PTGES3L: variants seen among roughly 807,000 people sequenced by gnomAD.
The protein encoded by PTGES3L is prostaglandin E synthase 3 like, also known as putative protein PTGES3L.
A neutral mutation model predicts 25.0 loss-of-function variants in PTGES3L; 17 were observed. The ratio of observed to expected loss-of-function variants is 0.68; its 90% confidence interval spans 0.47 to 1.02. The LOEUF (loss-of-function observed/expected upper bound fraction) is 1.02. Among genes scored for constraint, PTGES3L ranks in the 50% least tolerant of loss-of-function variants. The pLI, the probability that PTGES3L is intolerant of heterozygous loss-of-function variation, is 0.00. For missense variants in PTGES3L, 202 were observed against 197.5 expected (o/e 1.02, Z -0.14); for synonymous variants, 59 against 65.7 (o/e 0.90, Z 0.50).
chr17:42,971,666 A>G lies in PTGES3L; in HGVS notation c.319T>C (p.Trp107Arg), dbSNP rs1383553202. 1 of 1,614,080 alleles carries G rather than the reference A, an allele frequency of 6.2e-7. No homozygotes were observed. The change falls in exon 5 of 7, where the codon TGG becomes CGG. Residue 107 changes from tryptophan to arginine, a missense_variant. Transcript: ENST00000591916. The stretch of plus-strand genomic sequence containing the variant: ...TCTTCATCCCCTTCCCAGTCTCTCC[A>G]GTTATCAAAGTCCACAGACAGCCAC... ...PVWLSVDFDN[W>R]RDWEGDEEME...
Position 42,974,360 on chromosome 17 carries a change from C to T in PTGES3L, c.289-2664G>A, listed in dbSNP as rs2049916457. Among the ~76,000 whole-genome samples the T allele has an allele frequency of 2.3e-5, 3 of 130,082 alleles. No individual in the cohort carries two copies. In the Admixed American group the frequency reaches 2.5e-4, roughly 11 times the overall value. The allele number at this position is 130,082 out of a possible 152,430, so 85.3% of individuals were successfully genotyped here. On this transcript the variant is annotated intron_variant, in intron 4 of 6. Transcript: ENST00000591916. ...GGGCAACAAGAGTGGAACTCTGTCTCGAAAAAAAAAAAAAAAAAGACAAGC... is the reference window on the plus strand; with the variant it reads ...GGGCAACAAGAGTGGAACTCTGTCTTGAAAAAAAAAAAAAAAAAGACAAGC...
chr17:42,973,747 G>A (rs373069774), intron 4 of PTGES3L, among the ~76,000 whole-genome samples: 1 of 149,366 alleles, frequency 6.7e-6, no homozygotes, highest in Non-Finnish European at 1.5e-5. Flanking sequence ...GGTTAAATGG[G>A]TTAAGGGCGG....
chr17:42,976,813 T>C (rs368505416), intron 4 of PTGES3L, among the ~76,000 whole-genome samples: 1 of 152,212 alleles, frequency 6.6e-6, no homozygotes, highest in East Asian at 1.9e-4. Context: ...CAGGGTCAAA[T>C]GTGTGTTTTA....
intron 4 of PTGES3L, chr17:42,972,052 G>A: frequency 8.6e-6 from 2 of 233,370 alleles, no homozygotes; most frequent in Non-Finnish European, 1.7e-5. Context: ...TCCGGGCGTG[G>A]TGACGGGCAC....
Position 42,979,456 on chromosome 17 carries a change from AT to A in PTGES3L, c.123-13del. ...CGGCATTCTTGCAGCTGAGGAGACA[AT>A]GAAGCTGAGGAGATGCGGAATACTC... On this transcript the variant is annotated splice_polypyrimidine_tract_variant and intron_variant, in intron 2 of 6. Transcript: ENST00000591916. 1 of 1,614,194 alleles carries A rather than the reference AT, an allele frequency of 6.2e-7. No individual in the cohort carries two copies.
chr17:42,979,027 AAG>A, intron 4 of PTGES3L, 141 bp downstream of exon 4: 1 of 838,732 alleles, frequency 1.2e-6, no homozygotes, highest in East Asian at 2.5e-5. Context: ...TAAAAATAAA[AAG>A]AGAGACTAAT....
rs71228778 is a variant in PTGES3L, at chr17:42,969,200, G to GTA, written c.433-15_433-14insTA. 14 of 1,391,214 alleles carry GTA rather than the reference G, an allele frequency of 1.0e-5. No individual in the cohort carries two copies. Among genetic ancestry groups the GTA allele is most frequent in the Non-Finnish European group, 1.3e-5 (13 of 1,025,612 alleles). The allele number at this position is 1,391,214 out of a possible 1,614,324, so 86.2% of individuals were successfully genotyped here. A position where few individuals can be genotyped will look rare whatever the true frequency, so the allele number is the denominator to read the frequency against. On this transcript the variant is annotated splice_polypyrimidine_tract_variant and intron_variant, in intron 6 of 6. Transcript: ENST00000591916. ...GTCAGAATCATCCTGGGGGCGGGGG[G>GTA]GAAAAAAGACAAAGCACCTGTAGAC...
intron 4 of PTGES3L, among the ~76,000 whole-genome samples, chr17:42,977,668 GGA>G (rs145991932): frequency 1.4e-5 from 2 of 140,030 alleles, no homozygotes; most frequent in East Asian, 2.1e-4. Context: ...AGGAAGGGAG[GGA>G]GAGAGAGAGA....
At position 42,971,590 on chromosome 17, in the gene PTGES3L, T is replaced by G. The variant is rs749797834; in HGVS notation, c.378+17A>C. ...GAATGATCAAGTGGGCAGAACACAG[T>G]AGGTGTTGTCTCTCACCTCTGCATA... On this transcript the variant is annotated intron_variant, in intron 5 of 6. Coordinates refer to ENST00000591916, the MANE Select transcript of PTGES3L (RefSeq NM_001261430.2). 2.5e-6 allele frequency: 4 copies of G among 1,612,190 alleles called. No homozygotes were observed. The South Asian group carries it at 4.4e-5, about 18-fold the overall frequency.
chr17:42,973,802 C>T (rs994535162), intron 4 of PTGES3L, among the ~76,000 whole-genome samples: 3 of 147,452 alleles, frequency 2.0e-5, no homozygotes, highest in East Asian at 2.0e-4. Flanking sequence ...GCAGCATGCT[C>T]GTTAAGAGTC....
At chr17:42,977,531 G>C (rs542795543) in intron 4 of PTGES3L, among the ~76,000 whole-genome samples, 1 of 151,270 alleles carries the variant, frequency 6.6e-6, no homozygotes, top group African/African-American at 2.4e-5. Flanking sequence ...TTGAACCCAG[G>C]AGGCGGAGGT....
chr17:42,970,380 G>A, intron 5 of PTGES3L, 38 bp from the exon 6 acceptor site: 4 of 1,611,996 alleles, frequency 2.5e-6, no homozygotes, highest in East Asian at 2.2e-5. Flanking sequence ...GGAGAAGGGA[G>A]TGAAGGAAGA....
At chr17:42,979,098 G>A (rs1567725909) in intron 4 of PTGES3L, 72 bp downstream of exon 4, 1 of 1,519,852 alleles carries the variant, frequency 6.6e-7, no homozygotes, top group Non-Finnish European at 9.1e-7. Context: ...TGGCTGGAAA[G>A]GAGGCAAGGA....
chr17:42,972,555 C>T (rs943214875), intron 4 of PTGES3L, among the ~76,000 whole-genome samples: 21 of 152,264 alleles, frequency 1.4e-4, no homozygotes, highest in African/African-American at 4.1e-4. Flanking sequence ...AGCCCCTAAC[C>T]GCGAGTGATC....
intron 4 of PTGES3L, among the ~76,000 whole-genome samples, chr17:42,975,019 C>T (rs370669413): frequency 2.6e-5 from 4 of 151,504 alleles, no homozygotes; most frequent in African/African-American, 9.7e-5. Context: ...TTCTGTTGTT[C>T]CACCTACTCA....
At chr17:42,972,056 C>T (rs1022152089) in intron 4 of PTGES3L, 4 of 227,258 alleles carry the variant, frequency 1.8e-5, no homozygotes, top group Non-Finnish European at 2.7e-5. Flanking sequence ...GGCGTGGTGA[C>T]GGGCACCTGT....
chr17:42,973,112 G>T (rs1328590130), intron 4 of PTGES3L, among the ~76,000 whole-genome samples: 29 of 144,776 alleles, frequency 2.0e-4, no homozygotes, highest in Admixed American at 2.0e-3. Flanking sequence ...GAAGTGAGGA[G>T]CCTCTCCGCC....
chr17:42,973,435 C>G (rs1368068309), intron 4 of PTGES3L, among the ~76,000 whole-genome samples: 1 of 148,402 alleles, frequency 6.7e-6, no homozygotes, highest in African/African-American at 2.5e-5. Context: ...TCTGCCCGGC[C>G]GCCCCTACTG....
chr17:42,978,077 C>CAAAAAAAAAAA lies in PTGES3L; in HGVS notation c.288+1082_288+1092dup, dbSNP rs368420097. Among the ~76,000 whole-genome samples the CAAAAAAAAAAA allele has an allele frequency of 1.5e-3, 72 of 47,258 alleles. 2 individuals are homozygous for CAAAAAAAAAAA. The highest frequency in any genetic ancestry group is 4.9e-3 in the African/African-American group (47 of 9,690). 31.0% of individuals were successfully genotyped at this position (47,258 alleles called of 152,430 possible). A position where few individuals can be genotyped will look rare whatever the true frequency, so the allele number is the denominator to read the frequency against. ...GGGCAACAAGAGCGAAACTCCGAAT[C>CAAAAAAAAAAA]AAAAAAAAAAAAAAAAAAAAAAACA... On this transcript the variant is annotated intron_variant, in intron 4 of 6. Coordinates refer to ENST00000591916, the MANE Select transcript of PTGES3L (RefSeq NM_001261430.2).
Sources: gnomAD v4.1 joint callset for allele counts (sites outside exome capture counted in the v4.1 genomes callset) on GRCh38, gnomAD v4.1.1 for gene constraint, MANE v1.5 for transcripts, NCBI Gene and HGNC (gene_info 2026-07-23, HGNC 2026-07-21) for gene names.